Variants in ATF7IP observed in about 807,000 individuals in gnomAD.
ATF7IP encodes activating transcription factor 7-interacting protein 1.
A neutral mutation model predicts 106.4 loss-of-function variants in ATF7IP; 23 were observed. That is an observed-to-expected ratio of 0.22 (90% confidence interval 0.16 to 0.31). The LOEUF is 0.31. ATF7IP is among the 10% of genes least tolerant of loss of function. The probability of loss-of-function intolerance (pLI) is 1.00; values close to 1 mark genes in which losing one functional copy is unlikely to be tolerated. For missense variants in ATF7IP, 1,334 were observed against 1,524.3 expected, an observed-to-expected ratio of 0.88 and a Z score of 2.08; for synonymous variants, 542 against 539.0, an observed-to-expected ratio of 1.01 and a Z score of -0.08.
At chr12:14,497,300 T>C (rs1945040827) in intron 14 of ATF7IP, among the ~76,000 whole-genome samples, 1 of 152,246 alleles carries the variant, frequency 6.6e-6, no homozygotes, top group South Asian at 2.1e-4. Context: ...ACTGAAATGA[T>C]AATCTGTAAC....
chr12:14,495,618 G>C (rs560359003), intron 13 of ATF7IP, among the ~76,000 whole-genome samples: 1 of 152,298 alleles, frequency 6.6e-6, no homozygotes, highest in East Asian at 1.9e-4. Flanking sequence ...TTTCCCTGGT[G>C]TATGTCACAG....
At chr12:14,429,932 A>G (rs1942039538) in intron 2 of ATF7IP, among the ~76,000 whole-genome samples, 1 of 152,206 alleles carries the variant, frequency 6.6e-6, no homozygotes, top group African/African-American at 2.4e-5. Context: ...CTGTTGTCCA[A>G]GTTAGATGTG....
intron 13 of ATF7IP, chr12:14,481,670 T>C: frequency 2.3e-6 from 1 of 429,112 alleles, no homozygotes; most frequent in Non-Finnish European, 4.6e-6. Flanking sequence ...GTGTTGTCTT[T>C]AATTTAACTT....
At chr12:14,403,955 A>G (rs529846616) in intron 1 of ATF7IP, among the ~76,000 whole-genome samples, 39 of 152,264 alleles carry the variant, frequency 2.6e-4, no homozygotes, top group African/African-American at 8.4e-4. Context: ...CAGAAGTGCA[A>G]TTGAAATTGA....
chr12:14,495,783 C>A (rs1944992966), intron 13 of ATF7IP, among the ~76,000 whole-genome samples: 1 of 152,100 alleles, frequency 6.6e-6, no homozygotes, highest in African/African-American at 2.4e-5. Context: ...GAAGATACTC[C>A]CAGTTTGTCT....
At chr12:14,461,524 C>T (rs947657517) in intron 9 of ATF7IP, among the ~76,000 whole-genome samples, 17 of 152,122 alleles carry the variant, frequency 1.1e-4, no homozygotes, top group African/African-American at 3.9e-4. Flanking sequence ...GTTTATGTTC[C>T]TTACCCATTT....
At chr12:14,376,487 C>T (rs1174082460) in intron 1 of ATF7IP, among the ~76,000 whole-genome samples, 1 of 152,192 alleles carries the variant, frequency 6.6e-6, no homozygotes, top group Non-Finnish European at 1.5e-5. Context: ...GTGTGCTTAA[C>T]AAAACTATGT....
In ATF7IP at chr12:14,496,285, C is replaced by A; in HGVS notation, c.3335C>A (p.Thr1112Asn). Residue 1112 changes from threonine to asparagine, a missense_variant, in exon 14 of 15, where the codon ACC (threonine) becomes AAC (asparagine). By Grantham distance (65) the Thr-to-Asn change is moderately conservative. Coordinates refer to ENST00000261168, the MANE Select transcript of ATF7IP (RefSeq NM_018179.5). ...TTTYVVNNGL[T>N]LGSTGPQLTV... ...ACATATGTTGTAAACAATGGACTAA[C>A]CCTGGGATCAACAGGACCTCAGCTC... is the stretch of plus-strand genomic sequence containing the variant. The A allele has an allele frequency of 6.2e-7, 1 of 1,613,978 alleles. No homozygotes were observed. The highest frequency in any genetic ancestry group is 8.5e-7 in the Non-Finnish European group (1 of 1,179,912).
chr12:14,487,704 CTT>C (rs1944669891), intron 13 of ATF7IP, among the ~76,000 whole-genome samples: 1 of 152,196 alleles, frequency 6.6e-6, no homozygotes, highest in Non-Finnish European at 1.5e-5. Context: ...AATTTCAGCT[CTT>C]TCTCTATAGG....
intron 5 of ATF7IP, among the ~76,000 whole-genome samples, chr12:14,439,340 G>T (rs543458918): frequency 6.6e-5 from 10 of 152,128 alleles, no homozygotes; most frequent in Non-Finnish European, 8.8e-5. Context: ...TTTCCGTTAC[G>T]AATAAAATTT....
At chr12:14,445,906 A>T (rs903404321) in intron 5 of ATF7IP, among the ~76,000 whole-genome samples, 2 of 152,230 alleles carry the variant, frequency 1.3e-5, no homozygotes, top group African/African-American at 2.4e-5. Context: ...CAGCAACAGC[A>T]ACAGAAACAG....
Position 14,461,149 on chromosome 12 carries a change from G to A in ATF7IP, c.2797+16G>A. ...CCAAGAATTGGTAAGTCACCATGTA[G>A]GTTTAATACTAGAAATGCAAGCATC... On this transcript the variant is annotated intron_variant, in intron 9 of 14. Transcript: ENST00000261168. The A allele has an allele frequency of 1.9e-6, 3 of 1,593,728 alleles. No homozygotes were observed. Among genetic ancestry groups the A allele is most frequent in the Non-Finnish European group, 2.6e-6 (3 of 1,168,100 alleles).
intron 1 of ATF7IP, among the ~76,000 whole-genome samples, chr12:14,383,827 G>T (rs1003542724): frequency 6.6e-6 from 1 of 152,196 alleles, no homozygotes; most frequent in Non-Finnish European, 1.5e-5. Context: ...CTCCCAGAGT[G>T]TTGGGATTAT....
Position 14,456,643 on chromosome 12 carries a change from T to C in ATF7IP, c.2069+9T>C. ...AATAACATGTCTTACAGGTGAGAAT[T>C]CATAGTCTGTCTAGTTTTTAAAAAC... On this transcript the variant is annotated intron_variant, in intron 7 of 14. Coordinates refer to ENST00000261168, the MANE Select transcript of ATF7IP (RefSeq NM_018179.5). 1 of 1,580,452 alleles carries C rather than the reference T, an allele frequency of 6.3e-7. No homozygotes were observed.
chr12:14,445,341 A>G (rs1483371140), intron 5 of ATF7IP, among the ~76,000 whole-genome samples: 1 of 151,920 alleles, frequency 6.6e-6, no homozygotes, highest in East Asian at 1.9e-4. Context: ...GAGCTGGGGT[A>G]CAGAAAATAC....
chr12:14,476,094 A>G (rs1944254211), intron 11 of ATF7IP, 126 bp downstream of exon 11: 2 of 743,980 alleles, frequency 2.7e-6, no homozygotes, highest in Admixed American at 2.8e-5. Flanking sequence ...TCTTTTTGGA[A>G]TGGAAGTTTT....
At chr12:14,419,189 A>C (rs1941361582) in intron 1 of ATF7IP, 1 of 152,262 alleles carries the variant, frequency 6.6e-6, no homozygotes, top group East Asian at 1.9e-4. Context: ...TCCCTTTTTA[A>C]GGTAACCAAA....
intron 3 of ATF7IP, among the ~76,000 whole-genome samples, chr12:14,434,862 G>A (rs1386368522): frequency 6.6e-6 from 1 of 152,160 alleles, no homozygotes; most frequent in South Asian, 2.1e-4. Flanking sequence ...AAGATGGAAG[G>A]ATTGCTTGAG....
At chr12:14,411,563 A>C (rs539847534) in intron 1 of ATF7IP, among the ~76,000 whole-genome samples, 16 of 144,294 alleles carry the variant, frequency 1.1e-4, no homozygotes, top group African/African-American at 3.8e-4. Flanking sequence ...ACAGAAAAAG[A>C]AAAAAAAAAG....
Sources: gnomAD v4.1 joint callset for allele counts (sites outside exome capture counted in the v4.1 genomes callset) on GRCh38, gnomAD v4.1.1 for gene constraint, MANE v1.5 for transcripts, NCBI Gene and HGNC (gene_info 2026-07-23, HGNC 2026-07-21) for gene names.